The following TNK1 variants were observed in gnomAD, a reference collection of about 807,000 sequenced individuals.
The protein encoded by TNK1 is tyrosine kinase non receptor 1.
TNK1 carries 53 observed loss-of-function variants against 65.2 expected under a neutral mutation model. The ratio of observed to expected loss-of-function variants is 0.81; its 90% CI spans 0.65 to 1.02. The LOEUF (loss-of-function observed/expected upper bound fraction) is 1.02. TNK1 is among the 50% of genes least tolerant of loss of function. The probability of loss-of-function intolerance (pLI) is 0.00; values close to 1 mark genes in which losing one functional copy is unlikely to be tolerated. For synonymous variants in TNK1, 353 were observed against 364.6 expected (o/e 0.97, Z 0.36); for missense variants, 837 against 878.4 (o/e 0.95, Z 0.60).
In TNK1 at chr17:7,389,129, C is replaced by T. The variant is rs1240021452; in HGVS notation, c.*45C>T. ...AGACACCAGCATGAAAAGCCTAGGCCCCTGAGGGCCTGGCCACATGGGACC... is the reference window on the plus strand; with the variant it reads ...AGACACCAGCATGAAAAGCCTAGGCTCCTGAGGGCCTGGCCACATGGGACC... On this transcript the variant is annotated 3_prime_UTR_variant, in exon 13 of 13. Coordinates refer to ENST00000688331, the MANE Select transcript of TNK1 (RefSeq NM_003985.6). 2.0e-6 allele frequency: 3 copies of T among 1,479,502 alleles called. No homozygotes were observed. The highest frequency in any genetic ancestry group is 2.4e-5 in the South Asian group (2 of 82,728). 91.6% of individuals were successfully genotyped at this position (1,479,502 alleles called of 1,614,324 possible). A position where few individuals can be genotyped will look rare whatever the true frequency, so the allele number is the denominator to read the frequency against.
In TNK1 at chr17:7,387,457, G is replaced by T; in HGVS notation, c.1477G>T (p.Gly493Cys). Residue 493 changes from glycine (G) to cysteine (C), a missense_variant and splice_region_variant, in exon 10 of 13, where the codon GGC becomes TGC. By Grantham distance (159) the Gly-to-Cys change is radical. Transcript: ENST00000688331. Reference protein sequence around the residue: ...RRNMPLERMKGISRSLESVLS... With the variant: ...RRNMPLERMKCISRSLESVLS... ...GAACATGCCCCTGGAGAGGATGAAA[G>T]GTGGGTGTGGTGGACTCCAGAGTCT... 6.4e-7 allele frequency: 1 copy of T among 1,565,304 alleles called. No individual in the cohort carries two copies. The highest frequency in any genetic ancestry group is 2.3e-5 in the East Asian group (1 of 42,562).
In TNK1 at chr17:7,385,668, A is replaced by G. The variant is rs528587427; in HGVS notation, c.1138-893A>G. 6.1e-4 allele frequency among the ~76,000 whole-genome samples: 92 copies of G among 152,042 alleles called. No individual in the cohort carries two copies. In the South Asian group the frequency reaches 6.2e-3, roughly 10 times the overall value. On this transcript the variant is annotated intron_variant, in intron 7 of 12. Transcript: ENST00000688331. Reference sequence around the variant, plus strand: ...CAACCTCCGCCTCCTGGGTTCAAGCAATTCTCCTGTTTCAGCCTCCCGAGT... The same window carrying G: ...CAACCTCCGCCTCCTGGGTTCAAGCGATTCTCCTGTTTCAGCCTCCCGAGT...
At position 7,383,845 on chromosome 17, in the gene TNK1, TG is replaced by T; in HGVS notation, c.566del (p.Gly189AlafsTer7). 1 of 1,609,954 alleles carries T rather than the reference TG, an allele frequency of 6.2e-7. No homozygotes were observed. The highest frequency in any genetic ancestry group is 8.5e-7 in the Non-Finnish European group (1 of 1,178,466). On this transcript the variant is annotated frameshift_variant, in exon 5 of 13. Transcript: ENST00000688331. LOFTEE classifies it high-confidence loss of function. ...PHVLRLHGLVLGQPLQMVMEL... is the reference protein window; with the variant it reads ...PHVLRLHGLVXGQPLQMVMEL... ...GTGCTGCGTCTGCACGGCCTTGTACTGGGCCAGCCTCTGCAGATGGTGAGCA... is the reference window on the plus strand; with the variant it reads ...GTGCTGCGTCTGCACGGCCTTGTACTGGCCAGCCTCTGCAGATGGTGAGCA...
At chr17:7,385,820 CTCCCAAAGTG>C (rs1905156239) in intron 7 of TNK1, among the ~76,000 whole-genome samples, 1 of 152,200 alleles carries the variant, frequency 6.6e-6, no homozygotes. Context: ...CTGCCTTGGC[CTCCCAAAGTG>C]TTGGGATTAC....
upstream of TNK1, chr17:7,380,455 C>T (rs1354427691): frequency 6.6e-6 from 1 of 152,406 alleles, no homozygotes; most frequent in Non-Finnish European, 1.5e-5. Context: ...GGAGAGCAGG[C>T]GTTACGCTGG....
chr17:7,381,652 C>T (rs1904819101), intron 1 of TNK1, among the ~76,000 whole-genome samples: 1 of 152,224 alleles, frequency 6.6e-6, no homozygotes, highest in African/African-American at 2.4e-5. Context: ...GCCTAGCGGC[C>T]ATCACAAGTG....
At position 7,387,459 on chromosome 17, in the gene TNK1, T is replaced by A; in HGVS notation, c.1477+2T>A. 1 of 1,565,608 alleles carries A rather than the reference T, an allele frequency of 6.4e-7. No individual in the cohort carries two copies. The highest frequency in any genetic ancestry group is 8.7e-7 in the Non-Finnish European group (1 of 1,154,792). On this transcript the variant is annotated splice_donor_variant, in intron 10 of 12. Transcript: ENST00000688331. LOFTEE classifies it high-confidence loss of function. ...ACATGCCCCTGGAGAGGATGAAAGG[T>A]GGGTGTGGTGGACTCCAGAGTCTCT...
At position 7,387,040 on chromosome 17, in the gene TNK1, G is replaced by C. The variant is rs1182755087; in HGVS notation, c.1283G>C (p.Gly428Ala). The C allele has an allele frequency of 2.5e-6, 4 of 1,606,688 alleles. No individual in the cohort carries two copies. In the South Asian group the frequency reaches 4.5e-5, roughly 18 times the overall value. ...KGQNGRTFKVGSFPASAVTLA... is the reference protein window; with the variant it reads ...KGQNGRTFKVASFPASAVTLA... The stretch of plus-strand genomic sequence containing the variant: ...CAGAATGGTCGCACCTTCAAAGTGG[G>C]CAGCTTCCCAGCCTCGGCAGTGACG... Residue 428 changes from glycine to alanine, a missense_variant, in exon 9 of 13, where the codon GGC becomes GCC. Coordinates refer to ENST00000688331, the MANE Select transcript of TNK1 (RefSeq NM_003985.6).
In TNK1 at chr17:7,386,573, G is replaced by T; in HGVS notation, c.1150G>T (p.Glu384Ter). ...CTTGTCTCCACAGGCCGGGCCTTCG[G>T]AAGCATGTTGTGTGAGGGATGTCAC... The part of the protein sequence containing the change: ...EGLLQEAGPS[E>*]ACCVRDVTEP... Residue 384 changes from glutamate (E) to a stop codon, truncating the protein, a stop_gained, in exon 8 of 13, where the codon GAA becomes TAA. Transcript: ENST00000688331. LOFTEE classifies it high-confidence loss of function. 1 of 1,603,512 alleles carries T rather than the reference G, an allele frequency of 6.2e-7. No individual in the cohort carries two copies. Among genetic ancestry groups the T allele is most frequent in the South Asian group, 1.1e-5 (1 of 88,746 alleles).
Position 7,389,381 on chromosome 17 carries a change from T to G in TNK1, c.*297T>G, listed in dbSNP as rs1015072727. Reference sequence around the variant, plus strand: ...AGGACTTGGAAGAAAAGAGCTGCTATACATCATATGCAGAGGAAGCTTCTA... The same window carrying G: ...AGGACTTGGAAGAAAAGAGCTGCTAGACATCATATGCAGAGGAAGCTTCTA... On this transcript the variant is annotated 3_prime_UTR_variant, in exon 13 of 13. Coordinates refer to ENST00000688331, the MANE Select transcript of TNK1 (RefSeq NM_003985.6). The G allele has an allele frequency of 2.3e-4, 121 of 519,956 alleles. No homozygotes were observed. The highest frequency in any genetic ancestry group is 3.1e-4 in the Non-Finnish European group (92 of 294,126). 32.2% of individuals were successfully genotyped at this position (519,956 alleles called of 1,614,324 possible).
chr17:7,387,601 CTATTT>C, intron 10 of TNK1, 144 bp downstream of exon 10: 13 of 510,950 alleles, frequency 2.5e-5, no homozygotes, highest in South Asian at 6.6e-5. Flanking sequence ...ACTGTGCAAT[CTATTT>C]TTTTTTTTTT....
chr17:7,388,998 C>T lies in TNK1; in HGVS notation c.1900C>T (p.Arg634Trp), dbSNP rs201069861. Residue 634 changes from arginine to tryptophan, a missense_variant, in exon 13 of 13, where the codon CGG (arginine) becomes TGG (tryptophan). Coordinates refer to ENST00000688331, the MANE Select transcript of TNK1 (RefSeq NM_003985.6). This position sits in a 1 kb window ranked among gnomAD's most constrained non-coding sequence, Gnocchi z 4.5. The part of the protein sequence containing the change: ...KVDQLFHLSS[R>W]SRADCWRILE... ...AGATCAGCTCTTCCACCTGAGTAGC[C>T]GGTCCAGAGCTGACTGCTGGCGCAT... The T allele has an allele frequency of 9.6e-6, 15 of 1,554,464 alleles. No homozygotes were observed. Among genetic ancestry groups the T allele is most frequent in the East Asian group, 4.9e-5 (2 of 41,136 alleles).
chr17:7,386,877 T>C, intron 8 of TNK1, 113 bp from the exon 9 acceptor site: 2 of 1,383,354 alleles, frequency 1.4e-6, no homozygotes, highest in Non-Finnish European at 1.9e-6. Context: ...CTTCCCTTCC[T>C]CCAGGCAGAT....
Position 7,386,569 on chromosome 17 carries a change from T to C in TNK1, c.1146T>C (p.Pro382=). 2 of 1,601,556 alleles carry C rather than the reference T, an allele frequency of 1.2e-6. No homozygotes were observed. The highest frequency in any genetic ancestry group is 1.7e-6 in the Non-Finnish European group (2 of 1,174,112). The change falls in exon 8 of 13, where the codon CCT becomes CCC. Residue 382 remains proline, a synonymous_variant. Transcript: ENST00000688331. ...HLEGLLQEAG[P]SEACCVRDVT... ...TCCTCTTGTCTCCACAGGCCGGGCC[T>C]TCGGAAGCATGTTGTGTGAGGGATG...
chr17:7,386,699 C>A, intron 8 of TNK1, 44 bp downstream of exon 8: 1 of 1,469,338 alleles, frequency 6.8e-7, no homozygotes. Context: ...AGGAGGATAC[C>A]CTCCCAGCCT....
Position 7,384,066 on chromosome 17 carries a change from C to G in TNK1, c.679C>G (p.Arg227Gly). ...CGTGGCCCTGCTCTGCCTCTTCCTG[C>G]GGCAGCTGGCGGGAGCCATGGCGTA... is the stretch of plus-strand genomic sequence containing the variant. ...LLVALLCLFLRQLAGAMAYLG... is the reference protein window; with the variant it reads ...LLVALLCLFLGQLAGAMAYLG... Residue 227 changes from arginine to glycine, a missense_variant, in exon 6 of 13, where the codon CGG becomes GGG. By Grantham distance (125) the Arg-to-Gly change is moderately radical. Coordinates refer to ENST00000688331, the MANE Select transcript of TNK1 (RefSeq NM_003985.6). 6.5e-7 allele frequency: 1 copy of G among 1,535,848 alleles called. No individual in the cohort carries two copies. The highest frequency in any genetic ancestry group is 8.7e-7 in the Non-Finnish European group (1 of 1,147,576).
Position 7,389,104 on chromosome 17 carries a change from A to G in TNK1, c.*20A>G, listed in dbSNP as rs1012372551. Reference sequence around the variant, plus strand: ...CCCTGAGCTCAGCTTCTGCGGGCACAGACACCAGCATGAAAAGCCTAGGCC... The same window carrying G: ...CCCTGAGCTCAGCTTCTGCGGGCACGGACACCAGCATGAAAAGCCTAGGCC... On this transcript the variant is annotated 3_prime_UTR_variant, in exon 13 of 13. Coordinates refer to ENST00000688331, the MANE Select transcript of TNK1 (RefSeq NM_003985.6). 1.3e-6 allele frequency: 2 copies of G among 1,540,306 alleles called. No individual in the cohort carries two copies. The highest frequency in any genetic ancestry group is 2.7e-5 in the African/African-American group (2 of 72,970).
At position 7,383,024 on chromosome 17, in the gene TNK1, C is replaced by T. The variant is rs754019389; in HGVS notation, c.98C>T (p.Thr33Ile). The change falls in exon 2 of 13, where the codon ACT (threonine) becomes ATT (isoleucine). Residue 33 changes from threonine to isoleucine, a missense_variant. Physicochemically the swap from Thr to Ile is moderately conservative, Grantham distance 89 (BLOSUM62 -1). Transcript: ENST00000688331. ...YWPILEELNVTRPEHFDFVKP... is the reference protein window; with the variant it reads ...YWPILEELNVIRPEHFDFVKP... ...CCCATCCTTGAGGAGCTTAATGTCA[C>T]TCGGCCAGAGCACTTCGACTTTGTA... The T allele has an allele frequency of 2.5e-6, 4 of 1,614,042 alleles. No individual in the cohort carries two copies. The highest frequency in any genetic ancestry group is 2.5e-6 in the Non-Finnish European group (3 of 1,179,908).
At chr17:7,381,559 A>C (rs1470744988) in intron 1 of TNK1, among the ~76,000 whole-genome samples, 1 of 152,246 alleles carries the variant, frequency 6.6e-6, no homozygotes, top group Non-Finnish European at 1.5e-5. Flanking sequence ...GGCTGCCAGC[A>C]GGCATCTGTG....
Sources: gnomAD v4.1 joint callset for allele counts (sites outside exome capture counted in the v4.1 genomes callset) on GRCh38, gnomAD v4.1.1 for gene constraint, Gnocchi (gnomAD v3.1) non-coding constraint, MANE v1.5 for transcripts, NCBI Gene and HGNC (gene_info 2026-07-23, HGNC 2026-07-21) for gene names.